The following MMACHC variants were observed in gnomAD, a reference collection of about 807,000 sequenced individuals.
MMACHC encodes metabolism of cobalamin associated C.
Under a neutral mutation model 17.6 loss-of-function variants are expected in MMACHC, and 14 were observed. The ratio of observed to expected loss-of-function variants is 0.80; its 90% CI spans 0.53 to 1.25. The LOEUF (loss-of-function observed/expected upper bound fraction) is 1.25. Ranked by LOEUF, MMACHC falls within the 50% of genes most tolerant of loss-of-function variation. The probability of loss-of-function intolerance (pLI) is 0.00; values close to 1 mark genes in which losing one functional copy is unlikely to be tolerated. For synonymous variants in MMACHC, 151 were observed against 142.1 expected (o/e 1.06, Z -0.45); for missense variants, 392 against 364.5 (o/e 1.08, Z -0.62).
At chr1:45,506,963 C>A (rs989496298) in intron 1 of MMACHC, among the ~76,000 whole-genome samples, 1 of 151,594 alleles carries the variant, frequency 6.6e-6, no homozygotes, top group African/African-American at 2.4e-5. Context: ...GCCAGGAGTT[C>A]GGAGACCAGC....
intron 1 of MMACHC, among the ~76,000 whole-genome samples, chr1:45,506,621 C>T (rs1343578001): frequency 6.6e-6 from 1 of 151,866 alleles, no homozygotes; most frequent in Non-Finnish European, 1.5e-5. Flanking sequence ...TGAGTAGCTG[C>T]GATTACAGGC....
In MMACHC at chr1:45,511,119, A is replaced by G; in HGVS notation, c.*1904A>G. ...GCTCTACTAATACATCATACAAACC[A>G]GTAGCCTGCCCACAACGCCAACTCA... On this transcript the variant is annotated 3_prime_UTR_variant, in exon 4 of 4. Coordinates refer to ENST00000401061, the MANE Select transcript of MMACHC (RefSeq NM_015506.3). 1 of 489,970 alleles carries G rather than the reference A, an allele frequency of 2.0e-6. No homozygotes were observed. The highest frequency in any genetic ancestry group is 3.6e-6 in the Non-Finnish European group (1 of 276,510). The allele number at this position is 489,970 out of a possible 1,614,324, so 30.4% of individuals were successfully genotyped here.
chr1:45,509,450 G>A lies in MMACHC; in HGVS notation c.*235G>A, dbSNP rs930093200. 2.1e-5 allele frequency: 9 copies of A among 433,920 alleles called. No individual in the cohort carries two copies. Among genetic ancestry groups the A allele is most frequent in the African/African-American group, 1.9e-4 (7 of 36,542 alleles). 26.9% of individuals were successfully genotyped at this position (433,920 alleles called of 1,614,324 possible). A position where few individuals can be genotyped will look rare whatever the true frequency, so the allele number is the denominator to read the frequency against. The stretch of plus-strand genomic sequence containing the variant: ...TTTTTTTTAGACAGAGTCTTACTCT[G>A]TCACCTAGGCTGGAGTGCAGTGGCA... On this transcript the variant is annotated 3_prime_UTR_variant, in exon 4 of 4. Transcript: ENST00000401061.
Position 45,508,922 on chromosome 1 carries a change from A to G in MMACHC, c.556A>G (p.Arg186Gly). 1 of 1,614,182 alleles carries G rather than the reference A, an allele frequency of 6.2e-7. No individual in the cohort carries two copies. The highest frequency in any genetic ancestry group is 1.3e-5 in the African/African-American group (1 of 75,036). The part of the protein sequence containing the change: ...PRKPHDCVPT[R>G]ADRIALLEGF... ...AAAACCTCATGACTGTGTACCTACAAGAGCTGACCGTATCGCCCTACTCGA... is the reference window on the plus strand; with the variant it reads ...AAAACCTCATGACTGTGTACCTACAGGAGCTGACCGTATCGCCCTACTCGA... The change falls in exon 4 of 4, where the codon AGA becomes GGA. Residue 186 changes from arginine (R) to glycine (G), a missense_variant. Transcript: ENST00000401061.
intron 1 of MMACHC, among the ~76,000 whole-genome samples, chr1:45,502,706 C>CTT (rs777142658): frequency 7.2e-5 from 10 of 139,636 alleles, no homozygotes; most frequent in South Asian, 2.3e-4. Context: ...CTTTTCTTTT[C>CTT]TTTTTTTTTT....
chr1:45,506,382 A>C (rs1570828061), intron 1 of MMACHC, among the ~76,000 whole-genome samples: 1 of 152,336 alleles, frequency 6.6e-6, no homozygotes, highest in South Asian at 2.1e-4. Context: ...AAGTGCGTTG[A>C]CAGCCACTTT....
In MMACHC at chr1:45,511,282, G is replaced by C; in HGVS notation, c.*2067G>C. On this transcript the variant is annotated 3_prime_UTR_variant, in exon 4 of 4. Transcript: ENST00000401061. ...AAAAAAAAAATACAGAAGAGGTTTT[G>C]TTCTCATGGCTGCCCACCGCAGCCT... The C allele has an allele frequency of 6.9e-7, 1 of 1,444,408 alleles. No individual in the cohort carries two copies. 89.5% of individuals were successfully genotyped at this position (1,444,408 alleles called of 1,614,324 possible). A position where few individuals can be genotyped will look rare whatever the true frequency, so the allele number is the denominator to read the frequency against.
rs1035201847 is a variant in MMACHC at position 45,508,358 on chromosome 1, G to A, written c.423G>A (p.Gly141=). The A allele has an allele frequency of 4.3e-6, 7 of 1,614,178 alleles. No homozygotes were observed. In the South Asian group the frequency reaches 6.6e-5, roughly 15 times the overall value. Residue 141 remains glycine (G), a synonymous_variant, in exon 3 of 4, where the codon GGG becomes GGA. Coordinates refer to ENST00000401061, the MANE Select transcript of MMACHC (RefSeq NM_015506.3). ...QRQDVEADPW[G]NQRISGVCIH... The stretch of plus-strand genomic sequence containing the variant: ...AAGATGTGGAGGCTGACCCATGGGG[G>A]AACCAGGTGAGAGGGAAAATGTAAA...
rs1205106855 is a variant in MMACHC at position 45,508,919 on chromosome 1, A to C, written c.553A>C (p.Thr185Pro). The C allele has an allele frequency of 6.2e-7, 1 of 1,614,142 alleles. No homozygotes were observed. The highest frequency in any genetic ancestry group is 1.7e-5 in the Admixed American group (1 of 60,000). ...CAGAAAACCTCATGACTGTGTACCT[A>C]CAAGAGCTGACCGTATCGCCCTACT... is the stretch of plus-strand genomic sequence containing the variant. ...PPRKPHDCVP[T>P]RADRIALLEG... The change falls in exon 4 of 4, where the codon ACA (threonine) becomes CCA (proline). Residue 185 changes from threonine to proline, a missense_variant. Transcript: ENST00000401061.
At position 45,510,383 on chromosome 1, in the gene MMACHC, T is replaced by C. The variant is rs1263306540; in HGVS notation, c.*1168T>C. ...CAGCTGACAGCCTCTCTGAGGACAA[T>C]GACATATGAATGAGGATCAAAACGA... is the stretch of plus-strand genomic sequence containing the variant. On this transcript the variant is annotated 3_prime_UTR_variant, in exon 4 of 4. Transcript: ENST00000401061. The C allele has an allele frequency of 6.6e-6, 1 of 152,004 alleles. No individual in the cohort carries two copies. The highest frequency in any genetic ancestry group is 6.6e-5 in the Admixed American group (1 of 15,244). 9.4% of individuals were successfully genotyped at this position (152,004 alleles called of 1,614,324 possible).
Position 45,511,169 on chromosome 1 carries a change from G to C in MMACHC, c.*1954G>C, listed in dbSNP as rs1643735873. The C allele has an allele frequency of 8.0e-5, 49 of 612,994 alleles. 1 individual carries two copies. The South Asian group carries it at 1.2e-3, about 15-fold the overall frequency. 38.0% of individuals were successfully genotyped at this position (612,994 alleles called of 1,614,324 possible). A position where few individuals can be genotyped will look rare whatever the true frequency, so the allele number is the denominator to read the frequency against. ...AGGCCATTCCTACCAAAGGAAGAAA[G>C]GCTGGTCTCTCCACCCCCTGTAGGA... On this transcript the variant is annotated 3_prime_UTR_variant, in exon 4 of 4. Coordinates refer to ENST00000401061, the MANE Select transcript of MMACHC (RefSeq NM_015506.3).
At chr1:45,500,865 C>CAAAAA (rs11374269) in intron 1 of MMACHC, among the ~76,000 whole-genome samples, 1 of 86,360 alleles carries the variant, frequency 1.2e-5, no homozygotes, top group East Asian at 3.4e-4. Flanking sequence ...AACTCCGTGT[C>CAAAAA]AAAAAAAAAA....
chr1:45,509,227 GT>G lies in MMACHC; in HGVS notation c.*13del. On this transcript the variant is annotated 3_prime_UTR_variant, in exon 4 of 4. Transcript: ENST00000401061. Reference sequence around the variant, plus strand: ...CCCCTGGCCCTTGATTTTCTCCCATGTGGACCCTGATTTATGGTGGTACTTG... The same window carrying G: ...CCCCTGGCCCTTGATTTTCTCCCATGGGACCCTGATTTATGGTGGTACTTG... 1 of 1,613,952 alleles carries G rather than the reference GT, an allele frequency of 6.2e-7. No individual in the cohort carries two copies.
chr1:45,508,515 G>A lies in MMACHC; in HGVS notation c.429+151G>A, dbSNP rs553604898. 437 of 998,476 alleles carry A rather than the reference G, an allele frequency of 4.4e-4. 6 individuals carry two copies. The South Asian group carries it at 6.3e-3, about 14-fold the overall frequency. The allele number at this position is 998,476 out of a possible 1,614,324, so 61.9% of individuals were successfully genotyped here. The stretch of plus-strand genomic sequence containing the variant: ...GATGGGAGGCAGTCCTGTCACATGC[G>A]GTTGTCTAACTGGGTACTCGTGAGA... On this transcript the variant is annotated intron_variant, in intron 3 of 3. Transcript: ENST00000401061.
Position 45,511,310 on chromosome 1 carries a change from C to T in MMACHC, c.*2095C>T. 2 of 1,587,806 alleles carry T rather than the reference C, an allele frequency of 1.3e-6. No homozygotes were observed. The highest frequency in any genetic ancestry group is 1.4e-5 in the African/African-American group (1 of 73,800). ...CTCATGGCTGCCCACCGCAGCCTGG[C>T]ACTAAAACAGCCCAGCGCTCACTTC... On this transcript the variant is annotated 3_prime_UTR_variant, in exon 4 of 4. Coordinates refer to ENST00000401061, the MANE Select transcript of MMACHC (RefSeq NM_015506.3).
intron 1 of MMACHC, among the ~76,000 whole-genome samples, chr1:45,503,366 C>G (rs1643573105): frequency 2.6e-5 from 4 of 151,212 alleles, no homozygotes; most frequent in Admixed American, 2.6e-4. Flanking sequence ...CCATTGCAGT[C>G]TAGCCTGGGC....
intron 2 of MMACHC, among the ~76,000 whole-genome samples, chr1:45,507,946 C>T (rs796227873): frequency 3.3e-5 from 5 of 152,368 alleles, no homozygotes; most frequent in African/African-American, 1.2e-4. Flanking sequence ...CTCACATATA[C>T]ACATAACTAT....
chr1:45,509,328 T>A lies in MMACHC; in HGVS notation c.*113T>A. The A allele has an allele frequency of 1.5e-6, 2 of 1,295,564 alleles. No individual in the cohort carries two copies. Among genetic ancestry groups the A allele is most frequent in the South Asian group, 1.3e-5 (1 of 79,204 alleles). The allele number at this position is 1,295,564 out of a possible 1,614,324, so 80.3% of individuals were successfully genotyped here. A position where few individuals can be genotyped will look rare whatever the true frequency, so the allele number is the denominator to read the frequency against. On this transcript the variant is annotated 3_prime_UTR_variant, in exon 4 of 4. Transcript: ENST00000401061. The stretch of plus-strand genomic sequence containing the variant: ...ACTATTTTTGATAATATAGTAGAGA[T>A]CTTCCATGAAGATAACAAGGCTCAA...
chr1:45,510,657 A>C lies in MMACHC; in HGVS notation c.*1442A>C, dbSNP rs1643724394. Reference sequence around the variant, plus strand: ...CCTCTGTCAGTTCAAAAAGAACAGAAACCTCCAGCTCTTTTACATAGCAGG... The same window carrying C: ...CCTCTGTCAGTTCAAAAAGAACAGACACCTCCAGCTCTTTTACATAGCAGG... On this transcript the variant is annotated 3_prime_UTR_variant, in exon 4 of 4. Transcript: ENST00000401061. 1 of 152,282 alleles carries C rather than the reference A, an allele frequency of 6.6e-6. No homozygotes were observed. Among genetic ancestry groups the C allele is most frequent in the African/African-American group, 2.4e-5 (1 of 41,466 alleles). 9.4% of individuals were successfully genotyped at this position (152,282 alleles called of 1,614,324 possible).
Sources: gnomAD v4.1 joint callset for allele counts (sites outside exome capture counted in the v4.1 genomes callset) on GRCh38, gnomAD v4.1.1 for gene constraint, MANE v1.5 for transcripts, NCBI Gene and HGNC (gene_info 2026-07-23, HGNC 2026-07-21) for gene names.